The following TMEM132B variants were observed in gnomAD, a reference collection of about 807,000 sequenced individuals.
TMEM132B encodes the protein transmembrane protein 132B.
In TMEM132B, 18 loss-of-function variants were observed where a neutral mutation model predicts 90.8. The ratio of observed to expected loss-of-function variants is 0.20; its 90% CI spans 0.14 to 0.29. The LOEUF is 0.29. Among genes scored for constraint, TMEM132B ranks in the 10% least tolerant of loss-of-function variants. The pLI is 1.00. For synonymous variants in TMEM132B, 504 were observed against 523.3 expected (o/e 0.96, Z 0.50); for missense variants, 1,096 against 1,326.8 (o/e 0.83, Z 2.70).
intron 1 of TMEM132B, among the ~76,000 whole-genome samples, chr12:125,336,059 A>C (rs558263388): frequency 6.6e-6 from 1 of 152,210 alleles, no homozygotes; most frequent in Admixed American, 6.5e-5. Flanking sequence ...TGGCAAATGC[A>C]TGGAGTTGTG....
At chr12:125,446,052 G>T (rs1056254376) in intron 3 of TMEM132B, among the ~76,000 whole-genome samples, 1 of 152,214 alleles carries the variant, frequency 6.6e-6, no homozygotes, top group Non-Finnish European at 1.5e-5. Context: ...CCAGGCCCCC[G>T]CCAAGTTGTT....
intron 1 of TMEM132B, among the ~76,000 whole-genome samples, chr12:125,326,353 G>A (rs1300068144): frequency 2.0e-5 from 3 of 152,108 alleles, no homozygotes; most frequent in Non-Finnish European, 2.9e-5. Flanking sequence ...ACTCTGTTCC[G>A]AAGTGACTGG....
chr12:125,549,014 A>G (rs1884156950), intron 4 of TMEM132B, among the ~76,000 whole-genome samples: 1 of 152,238 alleles, frequency 6.6e-6, no homozygotes, highest in Admixed American at 6.5e-5. Flanking sequence ...TTTGATACTT[A>G]GTCCTATTTA....
intron 2 of TMEM132B, among the ~76,000 whole-genome samples, chr12:125,405,011 C>A (rs1370005114): frequency 6.6e-6 from 1 of 152,220 alleles, no homozygotes; most frequent in Non-Finnish European, 1.5e-5. Flanking sequence ...TGTGCCAGCA[C>A]TTTATATTGT....
chr12:125,619,336 ATT>A (rs1291064593), intron 5 of TMEM132B, among the ~76,000 whole-genome samples: 13 of 326 alleles, frequency 0.04, no homozygotes, highest in Non-Finnish European at 0.1. Flanking sequence ...ATTTATATTT[ATT>A]TATTTATTTA....
At chr12:125,648,710 A>G (rs1054604167) in intron 6 of TMEM132B, among the ~76,000 whole-genome samples, 1 of 152,200 alleles carries the variant, frequency 6.6e-6, no homozygotes, top group African/African-American at 2.4e-5. Context: ...TTGTTATGAT[A>G]CTGCCACATT....
intron 1 of TMEM132B, among the ~76,000 whole-genome samples, chr12:125,281,577 T>G (rs1318094912): frequency 7.9e-5 from 12 of 152,176 alleles, no homozygotes; most frequent in Non-Finnish European, 2.9e-5. Context: ...AGAGCGACGG[T>G]GAGCACTGCA....
In TMEM132B at chr12:125,612,876, G is replaced by C. The variant is rs12307129; in HGVS notation, c.1437+28882G>C. Among the ~76,000 whole-genome samples the C allele has an allele frequency of 2.8e-3, 33 of 11,938 alleles. 1 individual carries two copies. Among genetic ancestry groups the C allele is most frequent in the African/African-American group, 4.1e-3 (21 of 5,134 alleles). The allele number at this position is 11,938 out of a possible 152,430, so 7.8% of individuals were successfully genotyped here. ...TTATATATTATATAAAAATATATAT[G>C]ATATATATTTATATATTGTATAAAA... On this transcript the variant is annotated intron_variant, in intron 5 of 8. Transcript: ENST00000682704.
At chr12:125,516,884 C>A (rs1338187510) in intron 3 of TMEM132B, among the ~76,000 whole-genome samples, 1 of 152,166 alleles carries the variant, frequency 6.6e-6, no homozygotes, top group Admixed American at 6.5e-5. Flanking sequence ...AAGCATCTCT[C>A]GTAGGAGGTG....
At chr12:125,559,005 C>G (rs959357598) in intron 4 of TMEM132B, among the ~76,000 whole-genome samples, 4 of 152,166 alleles carry the variant, frequency 2.6e-5, no homozygotes, top group Admixed American at 2.6e-4. Flanking sequence ...GGAGAATGTA[C>G]TAAGAATATA....
At chr12:125,625,289 C>A (rs564948661) in intron 5 of TMEM132B, among the ~76,000 whole-genome samples, 1 of 152,034 alleles carries the variant, frequency 6.6e-6, no homozygotes, top group East Asian at 1.9e-4. Context: ...CCCGCCCCCA[C>A]GCCCAGCTAA....
chr12:125,457,952 G>T (rs1392541037), intron 3 of TMEM132B, among the ~76,000 whole-genome samples: 4 of 152,160 alleles, frequency 2.6e-5, no homozygotes, highest in Non-Finnish European at 5.9e-5. Flanking sequence ...GGAAAGCAAG[G>T]CCTGCTGTGG....
intron 5 of TMEM132B, among the ~76,000 whole-genome samples, chr12:125,594,918 C>T (rs1271391460): frequency 1.3e-5 from 2 of 151,916 alleles, no homozygotes; most frequent in Non-Finnish European, 2.9e-5. Flanking sequence ...TTTTTTTCAA[C>T]CTCATCAGCT....
chr12:125,354,471 C>T (rs1680873432), intron 2 of TMEM132B, among the ~76,000 whole-genome samples: 1 of 152,246 alleles, frequency 6.6e-6, no homozygotes, highest in African/African-American at 2.4e-5. Context: ...GTCCCCACCA[C>T]TCCCTTCTGT....
rs560270257 is a variant in TMEM132B at position 125,519,956 on chromosome 12, G to A, written c.1293+331G>A. Among the ~76,000 whole-genome samples, 3 of 152,302 alleles carry A rather than the reference G, an allele frequency of 2.0e-5. No homozygotes were observed. The East Asian group carries it at 5.8e-4, about 29-fold the overall frequency. ...GAAATGCATCAGGGTTACACGTTGG[G>A]AACAGTGGCTCTATATGCCAAGTAA... On this transcript the variant is annotated intron_variant, in intron 4 of 8. Transcript: ENST00000682704.
intron 1 of TMEM132B, among the ~76,000 whole-genome samples, chr12:125,293,455 C>A (rs542084879): frequency 6.6e-6 from 1 of 152,256 alleles, no homozygotes; most frequent in South Asian, 2.1e-4. Flanking sequence ...TCCTCTCCTT[C>A]CTCCCTTGAA....
chr12:125,236,466 T>G (rs1162235064), intron 1 of TMEM132B, among the ~76,000 whole-genome samples: 1 of 152,214 alleles, frequency 6.6e-6, no homozygotes, highest in Non-Finnish European at 1.5e-5. Flanking sequence ...CAATTCCTTT[T>G]TATAGTTTAA....
At chr12:125,334,357 A>G (rs1876885927) in intron 1 of TMEM132B, among the ~76,000 whole-genome samples, 1 of 151,348 alleles carries the variant, frequency 6.6e-6, no homozygotes, top group Non-Finnish European at 1.5e-5. Flanking sequence ...TACTCCTTCT[A>G]CCAGACCTCT....
intron 4 of TMEM132B, among the ~76,000 whole-genome samples, chr12:125,542,149 A>G (rs1288056995): frequency 1.3e-5 from 2 of 152,020 alleles, no homozygotes; most frequent in Non-Finnish European, 2.9e-5. Flanking sequence ...AAAAGTTAGC[A>G]TGAATTTGAT....
Sources: gnomAD v4.1 joint callset for allele counts (sites outside exome capture counted in the v4.1 genomes callset) on GRCh38, gnomAD v4.1.1 for gene constraint, MANE v1.5 for transcripts, NCBI Gene and HGNC (gene_info 2026-07-23, HGNC 2026-07-21) for gene names.